CEMIP: variants seen among roughly 807,000 people sequenced by gnomAD.
CEMIP encodes the protein cell migration inducing hyaluronidase 1.
In CEMIP, 105 loss-of-function variants were observed where a neutral mutation model predicts 156.9. The observed-to-expected ratio is 0.67, with a 90% CI of 0.57 to 0.79. CEMIP has a LOEUF of 0.79. Ranked by LOEUF, CEMIP falls within the 30% of genes least tolerant of loss-of-function variation. The probability of loss-of-function intolerance (pLI) is 0.00; values close to 1 mark genes in which losing one functional copy is unlikely to be tolerated. For missense variants in CEMIP, 1,457 were observed against 1,769.4 expected, an observed-to-expected ratio of 0.82 and a Z score of 3.17; for synonymous variants, 676 against 668.4, an observed-to-expected ratio of 1.01 and a Z score of -0.17.
At chr15:80,794,988 C>G (rs1402143938) in intron 1 of CEMIP, among the ~76,000 whole-genome samples, 1 of 151,914 alleles carries the variant, frequency 6.6e-6, no homozygotes, top group African/African-American at 2.4e-5. Flanking sequence ...GCTAGAAAGA[C>G]CAAGAGTGGG....
chr15:80,927,721 G>C (rs997913919), intron 19 of CEMIP, among the ~76,000 whole-genome samples: 13 of 152,216 alleles, frequency 8.5e-5, no homozygotes, highest in Non-Finnish European at 1.6e-4. Flanking sequence ...CAGAAGACAG[G>C]GATCCCTTCA....
At position 80,906,546 on chromosome 15, in the gene CEMIP, G is replaced by A; in HGVS notation, c.1412-117G>A. On this transcript the variant is annotated intron_variant, in intron 12 of 29. Coordinates refer to ENST00000394685, the MANE Select transcript of CEMIP (RefSeq NM_001293298.2). This position sits in a 1 kb window ranked among gnomAD's most constrained non-coding sequence, Gnocchi z 4.3. Reference sequence around the variant, plus strand: ...CATCCTTCTGTAACATGAGACCACTGTGCACACCAGGCATGGCGATGAGTA... The same window carrying A: ...CATCCTTCTGTAACATGAGACCACTATGCACACCAGGCATGGCGATGAGTA... 9.9e-7 allele frequency: 1 copy of A among 1,008,588 alleles called. No homozygotes were observed. The allele number at this position is 1,008,588 out of a possible 1,614,324, so 62.5% of individuals were successfully genotyped here. A position where few individuals can be genotyped will look rare whatever the true frequency, so the allele number is the denominator to read the frequency against.
rs1316289277 is a variant in CEMIP at position 80,874,018 on chromosome 15, G to T, written c.94+45G>T. On this transcript the variant is annotated intron_variant, in intron 3 of 29. Coordinates refer to ENST00000394685, the MANE Select transcript of CEMIP (RefSeq NM_001293298.2). The stretch of plus-strand genomic sequence containing the variant: ...GGACCTCTGTATCTCAGCATGGAAG[G>T]CACGGCCCCTCACTGGAGCAAGGCT... The T allele has an allele frequency of 9.3e-6, 14 of 1,511,066 alleles. No individual in the cohort carries two copies. In the East Asian group the frequency reaches 2.2e-4, roughly 24 times the overall value. 93.6% of individuals were successfully genotyped at this position (1,511,066 alleles called of 1,614,324 possible). A position where few individuals can be genotyped will look rare whatever the true frequency, so the allele number is the denominator to read the frequency against.
chr15:80,932,948 G>A lies in CEMIP; in HGVS notation c.2794-297G>A, dbSNP rs1900979287. ...TCAGTCCCCCTCCTCCATCTCTGCAGTTGGTGAAGGCTGTGTGTCAGAGCA... is the reference window on the plus strand; with the variant it reads ...TCAGTCCCCCTCCTCCATCTCTGCAATTGGTGAAGGCTGTGTGTCAGAGCA... On this transcript the variant is annotated intron_variant, in intron 22 of 29. Transcript: ENST00000394685. This position sits in a 1 kb window ranked among gnomAD's most constrained non-coding sequence, Gnocchi z 4.5. Among the ~76,000 whole-genome samples the A allele has an allele frequency of 6.6e-6, 1 of 152,170 alleles. No individual in the cohort carries two copies. The highest frequency in any genetic ancestry group is 2.1e-4 in the South Asian group (1 of 4,828).
chr15:80,823,953 TA>T (rs1257081529), intron 1 of CEMIP, among the ~76,000 whole-genome samples: 5 of 152,156 alleles, frequency 3.3e-5, no homozygotes, highest in Admixed American at 3.3e-4. Flanking sequence ...AGCTGGGATT[TA>T]ACCCCCAATG....
At chr15:80,800,563 C>G (rs1055054619) in intron 1 of CEMIP, among the ~76,000 whole-genome samples, 1 of 152,134 alleles carries the variant, frequency 6.6e-6, no homozygotes, top group Non-Finnish European at 1.5e-5. Context: ...ATTTTCATGT[C>G]ATTTTACTTT....
intron 14 of CEMIP, among the ~76,000 whole-genome samples, chr15:80,916,246 G>C: frequency 6.6e-6 from 1 of 152,120 alleles, no homozygotes; most frequent in East Asian, 1.9e-4. Flanking sequence ...CAAATAAAAT[G>C]GTCACACCCT....
Position 80,936,880 on chromosome 15 carries a change from C to G in CEMIP, c.3216C>G (p.Phe1072Leu). 2.5e-6 allele frequency: 4 copies of G among 1,614,038 alleles called. No individual in the cohort carries two copies. In the South Asian group the frequency reaches 4.4e-5, roughly 18 times the overall value. The change falls in exon 24 of 30, where the codon TTC becomes TTG. Residue 1072 changes from phenylalanine to leucine, a missense_variant. This residue lies in a region of CEMIP where 798 missense variants were observed against 980.1 expected (regional missense o/e 0.81). Coordinates refer to ENST00000394685, the MANE Select transcript of CEMIP (RefSeq NM_001293298.2). ...PAELAIWLIN[F>L]NKGDWIRVGL... ...AACTCGCCATCTGGCTCATCAACTT[C>G]AACAAGTGAGTGGGTGTCCAGCCAG...
chr15:80,857,647 A>C (rs1897886110), intron 1 of CEMIP, among the ~76,000 whole-genome samples: 1 of 152,198 alleles, frequency 6.6e-6, no homozygotes, highest in Non-Finnish European at 1.5e-5. Context: ...GGCCTGGGGC[A>C]AGACCTCTGG....
chr15:80,925,297 TC>T (rs1303626083), intron 18 of CEMIP, among the ~76,000 whole-genome samples: 2 of 152,188 alleles, frequency 1.3e-5, no homozygotes, highest in African/African-American at 4.8e-5. Flanking sequence ...GCTGGGTATC[TC>T]CAGACTCTTC....
In CEMIP at chr15:80,951,018, T is replaced by C. The variant is rs1035128696; in HGVS notation, c.*2094T>C. 2.6e-5 allele frequency: 4 copies of C among 152,650 alleles called. No homozygotes were observed. Among genetic ancestry groups the C allele is most frequent in the African/African-American group, 7.2e-5 (3 of 41,438 alleles). 9.5% of individuals were successfully genotyped at this position (152,650 alleles called of 1,614,324 possible). ...TCTTTCAGCTGCTGGGAGGTGACCA[T>C]AGGGCTCTGCTTTTAAAGATATGGC... On this transcript the variant is annotated 3_prime_UTR_variant, in exon 30 of 30. Coordinates refer to ENST00000394685, the MANE Select transcript of CEMIP (RefSeq NM_001293298.2).
At chr15:80,867,334 T>C (rs149304700) in intron 1 of CEMIP, among the ~76,000 whole-genome samples, 1 of 152,264 alleles carries the variant, frequency 6.6e-6, no homozygotes, top group African/African-American at 2.4e-5. Context: ...AAACTGCAAG[T>C]TGTTTTATTT....
At chr15:80,942,153 C>G in intron 26 of CEMIP, 98 bp from the exon 27 acceptor site, 1 of 1,489,142 alleles carries the variant, frequency 6.7e-7, no homozygotes, top group Non-Finnish European at 9.4e-7. Context: ...GTCCCTCACT[C>G]AGCTCCATAA....
intron 25 of CEMIP, among the ~76,000 whole-genome samples, chr15:80,940,238 T>C (rs530303534): frequency 6.6e-6 from 1 of 152,332 alleles, no homozygotes; most frequent in African/African-American, 2.4e-5. Flanking sequence ...TTCAGCCAGC[T>C]TGCACACATC....
chr15:80,803,300 G>T (rs1416345737), intron 1 of CEMIP, among the ~76,000 whole-genome samples: 4 of 152,178 alleles, frequency 2.6e-5, no homozygotes, highest in African/African-American at 9.7e-5. Context: ...TAGAACAAGA[G>T]TGTATATTTC....
intron 1 of CEMIP, among the ~76,000 whole-genome samples, chr15:80,808,096 T>C (rs1443779771): frequency 6.6e-6 from 1 of 152,238 alleles, no homozygotes; most frequent in Non-Finnish European, 1.5e-5. Flanking sequence ...TGTGTCACTC[T>C]TAGTAACCCT....
At chr15:80,892,968 A>G (rs766039547) in intron 10 of CEMIP, among the ~76,000 whole-genome samples, 4 of 152,142 alleles carry the variant, frequency 2.6e-5, no homozygotes, top group Admixed American at 6.5e-5. Flanking sequence ...GGGTGGATCA[A>G]TTGAAGTTAG....
chr15:80,892,444 T>A (rs775210325), intron 10 of CEMIP, among the ~76,000 whole-genome samples: 1 of 152,192 alleles, frequency 6.6e-6, no homozygotes, highest in Non-Finnish European at 1.5e-5. Context: ...TCCCACCTTC[T>A]CTCTTAAAAC....
intron 1 of CEMIP, among the ~76,000 whole-genome samples, chr15:80,825,821 C>T (rs1897023639): frequency 1.3e-5 from 2 of 152,190 alleles, no homozygotes; most frequent in Non-Finnish European, 2.9e-5. Context: ...CAACTAAGAT[C>T]TGCAGATAGC....
Sources: allele counts gnomAD v4.1 joint callset (sites outside exome capture counted in the v4.1 genomes callset), GRCh38; gene constraint gnomAD v4.1.1; regional missense constraint gnomAD v4.1.1; non-coding constraint Gnocchi (gnomAD v3.1); transcripts MANE v1.5; gene names NCBI Gene and HGNC (gene_info 2026-07-23, HGNC 2026-07-21).